TIE1: variants seen among roughly 807,000 people sequenced by gnomAD.
The protein encoded by TIE1 is tyrosine kinase with immunoglobulin like and EGF like domains 1.
In TIE1, 89 loss-of-function variants were observed where a neutral mutation model predicts 130.5. The observed-to-expected ratio is 0.68, with a 90% CI of 0.57 to 0.81. The LOEUF (loss-of-function observed/expected upper bound fraction) is 0.81. TIE1 is among the 40% of genes least tolerant of loss of function. The pLI, the probability that TIE1 is intolerant of heterozygous loss-of-function variation, is 0.00. For synonymous variants in TIE1, 568 were observed against 629.4 expected (o/e 0.90, Z 1.46); for missense variants, 1,392 against 1,559.8 (o/e 0.89, Z 1.81).
Position 43,301,081 on chromosome 1 carries a change from C to A in TIE1, c.10C>A (p.Arg4=). The change falls in exon 1 of 23, where the codon CGG becomes AGG. Residue 4 remains arginine (R), a synonymous_variant. Transcript: ENST00000372476. MVW[R]VPPFLLPILF... ...GGTCGGCCTCTGGAGTATGGTCTGGCGGGTGCCCCCTTTCTTGCTCCCCAT... is the reference window on the plus strand; with the variant it reads ...GGTCGGCCTCTGGAGTATGGTCTGGAGGGTGCCCCCTTTCTTGCTCCCCAT... 1 of 1,613,828 alleles carries A rather than the reference C, an allele frequency of 6.2e-7. No homozygotes were observed. Among genetic ancestry groups the A allele is most frequent in the South Asian group, 1.1e-5 (1 of 90,990 alleles).
chr1:43,308,824 G>C (rs2282225), intron 7 of TIE1, 162 bp from the exon 8 acceptor site: 452,975 of 885,644 alleles, frequency 0.51, 118,205 homozygotes, highest in South Asian at 0.69. Context: ...GATGGGATGT[G>C]GGGCTGGGAC....
At chr1:43,320,866 AAAT>A (rs1646910271) in intron 19 of TIE1, 1 of 136,532 alleles carries the variant, frequency 7.3e-6, no homozygotes, top group Non-Finnish European at 1.5e-5. Flanking sequence ...AAAAATAAAT[AAAT>A]AAATAAATAA....
In TIE1 at chr1:43,312,018, T is replaced by C; in HGVS notation, c.1517T>C (p.Leu506Ser). 1 of 1,600,894 alleles carries C rather than the reference T, an allele frequency of 6.2e-7. No individual in the cohort carries two copies. The highest frequency in any genetic ancestry group is 8.5e-7 in the Non-Finnish European group (1 of 1,171,318). Residue 506 changes from leucine (L) to serine (S), a missense_variant, in exon 11 of 23, where the codon TTA becomes TCA. Leu to Ser is a moderately radical substitution (Grantham distance 145). Transcript: ENST00000372476. This position sits in a 1 kb window ranked among gnomAD's most constrained non-coding sequence, Gnocchi z 5.6. ...IVVDPSENVT[L>S]MNLRPKTGYS... ...GTGGACCCCAGTGAGAACGTGACGT[T>C]AATGAACCTGAGGCCAAAGACAGGA... is the stretch of plus-strand genomic sequence containing the variant.
In TIE1 at chr1:43,312,564, G is replaced by A. The variant is rs747253658; in HGVS notation, c.1890G>A (p.Pro630=). Residue 630 remains proline, a synonymous_variant, in exon 12 of 23, where the codon CCG becomes CCA. Coordinates refer to ENST00000372476, the MANE Select transcript of TIE1 (RefSeq NM_005424.5). The surrounding 1 kb of genome is among the most constrained non-coding windows in gnomAD (Gnocchi z 5.6). ...VQLYHCTLLG[P]ASPPAHVLLP... Reference sequence around the variant, plus strand: ...TCTACCACTGCACCCTCCTGGGCCCGGCCTCGCCCCCTGCACACGTGCTTC... The same window carrying A: ...TCTACCACTGCACCCTCCTGGGCCCAGCCTCGCCCCCTGCACACGTGCTTC... The A allele has an allele frequency of 1.8e-5, 29 of 1,612,088 alleles. No homozygotes were observed. Among genetic ancestry groups the A allele is most frequent in the Admixed American group, 1.7e-4 (10 of 59,878 alleles).
chr1:43,313,037 C>A lies in TIE1; in HGVS notation c.1928-98C>A. ...GGCAGGGTGGCCCCTGTGCTTGGAC[C>A]CACAGAGGAGGGAGCACAGCTAGAG... On this transcript the variant is annotated intron_variant, in intron 12 of 22. Transcript: ENST00000372476. This position sits in a 1 kb window ranked among gnomAD's most constrained non-coding sequence, Gnocchi z 6.2. 7.1e-7 allele frequency: 1 copy of A among 1,408,386 alleles called. No homozygotes were observed. Among genetic ancestry groups the A allele is most frequent in the Non-Finnish European group, 9.6e-7 (1 of 1,041,772 alleles). The allele number at this position is 1,408,386 out of a possible 1,614,324, so 87.2% of individuals were successfully genotyped here.
In TIE1 at chr1:43,306,633, A is replaced by G. The variant is rs182741389; in HGVS notation, c.485-207A>G. Among the ~76,000 whole-genome samples, 2 of 152,116 alleles carry G rather than the reference A, an allele frequency of 1.3e-5. No individual in the cohort carries two copies. Among genetic ancestry groups the G allele is most frequent in the African/African-American group, 4.8e-5 (2 of 41,502 alleles). The stretch of plus-strand genomic sequence containing the variant: ...ATGAGGAGGAGATGGACTGAGCAGG[A>G]CTTGGTGATTTACTGGGTGGCTGGT... On this transcript the variant is annotated intron_variant, in intron 3 of 22. Coordinates refer to ENST00000372476, the MANE Select transcript of TIE1 (RefSeq NM_005424.5). This position sits in a 1 kb window ranked among gnomAD's most constrained non-coding sequence, Gnocchi z 4.9.
rs775687495 is a variant in TIE1 at position 43,319,327 on chromosome 1, G to A, written c.3015G>A (p.Glu1005=). The change falls in exon 18 of 23, where the codon GAG becomes GAA. Residue 1005 remains glutamate (E), a synonymous_variant. Transcript: ENST00000372476. This position sits in a 1 kb window ranked among gnomAD's most constrained non-coding sequence, Gnocchi z 4.7. ...ACTTCGGCCTTTCTCGGGGAGAGGA[G>A]GTTTATGTGAAGAAGACGATGGTGA... is the stretch of plus-strand genomic sequence containing the variant. ...IADFGLSRGE[E]VYVKKTMGRL... 1.9e-6 allele frequency: 3 copies of A among 1,614,074 alleles called. No homozygotes were observed. The highest frequency in any genetic ancestry group is 2.5e-6 in the Non-Finnish European group (3 of 1,179,980).
rs367887054 is a variant in TIE1, at chr1:43,305,389, C to T, written c.484+46C>T. The T allele has an allele frequency of 4.0e-5, 59 of 1,461,262 alleles. No individual in the cohort carries two copies. The African/African-American group carries it at 8.1e-4, about 20-fold the overall frequency. 90.5% of individuals were successfully genotyped at this position (1,461,262 alleles called of 1,614,324 possible). On this transcript the variant is annotated intron_variant, in intron 3 of 22. Coordinates refer to ENST00000372476, the MANE Select transcript of TIE1 (RefSeq NM_005424.5). Reference sequence around the variant, plus strand: ...TGGTGGGGAGGGTAGACCCATCGTTCTGAGGCCCCAACACTTTCATGACCC... The same window carrying T: ...TGGTGGGGAGGGTAGACCCATCGTTTTGAGGCCCCAACACTTTCATGACCC...
chr1:43,316,400 C>T lies in TIE1; in HGVS notation c.2410-799C>T, dbSNP rs547733668. Among the ~76,000 whole-genome samples the T allele has an allele frequency of 2.6e-5, 4 of 152,324 alleles. No homozygotes were observed. In the South Asian group the frequency reaches 8.3e-4, roughly 32 times the overall value. ...CTGGACTTCAGTGCACTTAGGAAGCCCCACCAGAAGGTCTGTCTTAACCCT... is the reference window on the plus strand; with the variant it reads ...CTGGACTTCAGTGCACTTAGGAAGCTCCACCAGAAGGTCTGTCTTAACCCT... On this transcript the variant is annotated intron_variant, in intron 14 of 22. Transcript: ENST00000372476. This position sits in a 1 kb window ranked among gnomAD's most constrained non-coding sequence, Gnocchi z 4.4.
At position 43,307,369 on chromosome 1, in the gene TIE1, A is replaced by C. The variant is rs1345551597; in HGVS notation, c.773-63A>C. 5 of 1,611,370 alleles carry C rather than the reference A, an allele frequency of 3.1e-6. No homozygotes were observed. The South Asian group carries it at 5.5e-5, about 18-fold the overall frequency. On this transcript the variant is annotated intron_variant, in intron 5 of 22. Transcript: ENST00000372476. The surrounding 1 kb of genome is among the most constrained non-coding windows in gnomAD (Gnocchi z 5.4). ...GGGTGGAGCTTGGAGGGTAAGGGCG[A>C]CAGGCAGGTCCTGGGCCCAGGGGCC...
Position 43,308,798 on chromosome 1 carries a change from A to G in TIE1, c.1043-188A>G, listed in dbSNP as rs1482316378. On this transcript the variant is annotated intron_variant, in intron 7 of 22. Transcript: ENST00000372476. ...TCGGGAAGTGGGGAGGTGGTTAGGA[A>G]GTAGACTTTGCAGCTGATGGGATGT... The G allele has an allele frequency of 4.0e-6, 3 of 751,404 alleles. No individual in the cohort carries two copies. In the East Asian group the frequency reaches 8.2e-5, roughly 20 times the overall value. 46.5% of individuals were successfully genotyped at this position (751,404 alleles called of 1,614,324 possible).
chr1:43,317,945 G>T lies in TIE1; in HGVS notation c.2795G>T (p.Ser932Ile). The T allele has an allele frequency of 6.2e-7, 1 of 1,614,176 alleles. No homozygotes were observed. The highest frequency in any genetic ancestry group is 8.5e-7 in the Non-Finnish European group (1 of 1,180,016). Reference sequence around the variant, plus strand: ...AACCTGCTAGATTTTCTGCGGAAAAGCCGGGTCCTAGAGACTGACCCAGCT... The same window carrying T: ...AACCTGCTAGATTTTCTGCGGAAAATCCGGGTCCTAGAGACTGACCCAGCT... ...YGNLLDFLRK[S>I]RVLETDPAFA... is the part of the protein sequence containing the mutation. The change falls in exon 17 of 23, where the codon AGC becomes ATC. Residue 932 changes from serine to isoleucine, a missense_variant. By Grantham distance (142) the Ser-to-Ile change is moderately radical. Coordinates refer to ENST00000372476, the MANE Select transcript of TIE1 (RefSeq NM_005424.5). The surrounding 1 kb of genome is among the most constrained non-coding windows in gnomAD (Gnocchi z 5.1).
In TIE1 at chr1:43,317,681, C is replaced by A. The variant is rs1466022648; in HGVS notation, c.2731+7C>A. Reference sequence around the variant, plus strand: ...GGGGCCTGTAAGAACCGAGGTGAGCCCCCAGCTCATCACCTACCCCTTCTT... The same window carrying A: ...GGGGCCTGTAAGAACCGAGGTGAGCACCCAGCTCATCACCTACCCCTTCTT... On this transcript the variant is annotated splice_region_variant and intron_variant, in intron 16 of 22. Transcript: ENST00000372476. The surrounding 1 kb of genome is among the most constrained non-coding windows in gnomAD (Gnocchi z 5.1). 1.3e-6 allele frequency: 2 copies of A among 1,565,910 alleles called. No homozygotes were observed. The highest frequency in any genetic ancestry group is 1.8e-4 in the Middle Eastern group (1 of 5,570).
In TIE1 at chr1:43,309,487, A is replaced by G. The variant is rs1405306387; in HGVS notation, c.1288A>G (p.Thr430Ala). Residue 430 changes from threonine to alanine, a missense_variant, in exon 9 of 23, where the codon ACA becomes GCA. Physicochemically the swap from Thr to Ala is moderately conservative, Grantham distance 58 (BLOSUM62 0). This residue lies in a region of TIE1 where 551 missense variants were observed against 565.5 expected (regional missense o/e 0.97). Coordinates refer to ENST00000372476, the MANE Select transcript of TIE1 (RefSeq NM_005424.5). This position sits in a 1 kb window ranked among gnomAD's most constrained non-coding sequence, Gnocchi z 6.3. The part of the protein sequence containing the change: ...DSGFWECRVS[T>A]SGGQDSRRFK... ...TGGGTTCTGGGAGTGCCGTGTGTCC[A>G]CATCTGGCGGCCAAGACAGCCGGCG... 2 of 1,606,622 alleles carry G rather than the reference A, an allele frequency of 1.2e-6. No homozygotes were observed. The highest frequency in any genetic ancestry group is 1.3e-5 in the African/African-American group (1 of 74,568).
In TIE1 at chr1:43,311,980, C is replaced by T. The variant is rs776145709; in HGVS notation, c.1493-14C>T. On this transcript the variant is annotated splice_polypyrimidine_tract_variant and intron_variant, in intron 10 of 22. Transcript: ENST00000372476. Reference sequence around the variant, plus strand: ...TGGGGGCTGAATAATGTGTGCTTTACACCCCACGCCCAGTGGACCCCAGTG... The same window carrying T: ...TGGGGGCTGAATAATGTGTGCTTTATACCCCACGCCCAGTGGACCCCAGTG... 5.7e-6 allele frequency: 9 copies of T among 1,572,808 alleles called. No homozygotes were observed. Among genetic ancestry groups the T allele is most frequent in the Admixed American group, 1.8e-5 (1 of 56,488 alleles).
At position 43,322,779 on chromosome 1, in the gene TIE1, C is replaced by T; in HGVS notation, c.*57C>T. The stretch of plus-strand genomic sequence containing the variant: ...GCCGGAGCAAACTCTGCTGTCTAAC[C>T]TGTGACCAGTCTGACCCTTACAGCC... On this transcript the variant is annotated 3_prime_UTR_variant, in exon 23 of 23. Transcript: ENST00000372476. This position sits in a 1 kb window ranked among gnomAD's most constrained non-coding sequence, Gnocchi z 4.0. The T allele has an allele frequency of 1.3e-6, 2 of 1,544,892 alleles. No individual in the cohort carries two copies. The highest frequency in any genetic ancestry group is 1.8e-6 in the Non-Finnish European group (2 of 1,123,516).
Position 43,315,457 on chromosome 1 carries a change from C to G in TIE1, c.2409+1489C>G, listed in dbSNP as rs1418773606. ...GGATCATGAGGTCAGGAGTTCAAGA[C>G]CAGCCTGCCCAGTTGGTGAAACCCC... On this transcript the variant is annotated intron_variant, in intron 14 of 22. Coordinates refer to ENST00000372476, the MANE Select transcript of TIE1 (RefSeq NM_005424.5). The surrounding 1 kb of genome is among the most constrained non-coding windows in gnomAD (Gnocchi z 4.4). 6.6e-6 allele frequency among the ~76,000 whole-genome samples: 1 copy of G among 151,982 alleles called. No homozygotes were observed. Among genetic ancestry groups the G allele is most frequent in the African/African-American group, 2.4e-5 (1 of 41,358 alleles).
intron 19 of TIE1, 111 bp from the exon 20 acceptor site, chr1:43,321,158 A>G (rs1444501361): frequency 8.9e-7 from 1 of 1,129,268 alleles, no homozygotes; most frequent in African/African-American, 1.5e-5. Flanking sequence ...ATACTTACAG[A>G]GTAGACACAT....
At position 43,319,665 on chromosome 1, in the gene TIE1, T is replaced by A; in HGVS notation, c.3107+136T>A. On this transcript the variant is annotated intron_variant, in intron 19 of 22. Transcript: ENST00000372476. This position sits in a 1 kb window ranked among gnomAD's most constrained non-coding sequence, Gnocchi z 4.7. ...GTGTTCCAGGTGTGACACAGGTGTGTCTTGGGTATAAAGTACCTAGCCAAG... is the reference window on the plus strand; with the variant it reads ...GTGTTCCAGGTGTGACACAGGTGTGACTTGGGTATAAAGTACCTAGCCAAG... The A allele has an allele frequency of 2.3e-6, 2 of 888,732 alleles. No homozygotes were observed. The highest frequency in any genetic ancestry group is 3.0e-5 in the South Asian group (2 of 67,136). The allele number at this position is 888,732 out of a possible 1,614,324, so 55.1% of individuals were successfully genotyped here.
Sources: gnomAD v4.1 joint callset for allele counts (sites outside exome capture counted in the v4.1 genomes callset) on GRCh38, gnomAD v4.1.1 for gene constraint, gnomAD v4.1.1 regional missense constraint, Gnocchi (gnomAD v3.1) non-coding constraint, MANE v1.5 for transcripts, NCBI Gene and HGNC (gene_info 2026-07-23, HGNC 2026-07-21) for gene names.